Variants in SHISA9 observed in about 807,000 individuals in gnomAD.
SHISA9 encodes the protein shisa family member 9, also known as protein shisa-9.
SHISA9 carries 13 observed loss-of-function variants against 38.0 expected under a neutral mutation model. That is an observed-to-expected ratio of 0.34 (90% CI 0.22 to 0.54). SHISA9 has a LOEUF of 0.54. Among genes scored for constraint, SHISA9 ranks in the 20% least tolerant of loss-of-function variants. The pLI is 0.91. For missense variants in SHISA9, 538 were observed against 575.8 expected (o/e 0.93, Z 0.67); for synonymous variants, 275 against 242.0 (o/e 1.14, Z -1.27).
At chr16:13,019,764 T>C (rs539220483) in intron 2 of SHISA9, among the ~76,000 whole-genome samples, 2 of 77,958 alleles carry the variant, frequency 2.6e-5, no homozygotes, top group Non-Finnish European at 5.0e-5. Context: ...CTTTTCTTTC[T>C]TTTCTTTCTT....
At chr16:13,261,146 G>A in the SHISA9 span, among the ~76,000 whole-genome samples, 7 of 152,052 alleles carry the variant, frequency 4.6e-5, no homozygotes, top group South Asian at 1.2e-3. Context: ...ATTTGGGCGG[G>A]GACACAAACC....
chr16:13,421,624 C>T, the SHISA9 span, among the ~76,000 whole-genome samples: 1 of 152,186 alleles, frequency 6.6e-6, no homozygotes, highest in African/African-American at 2.4e-5. Context: ...ATATCAGTCT[C>T]TAATTAACTA....
At chr16:13,384,620 A>G in the SHISA9 span, among the ~76,000 whole-genome samples, 1 of 152,280 alleles carries the variant, frequency 6.6e-6, no homozygotes. Context: ...GGAGACAGCA[A>G]CCTTGAAGCT....
intron 2 of SHISA9, among the ~76,000 whole-genome samples, chr16:12,972,955 A>C (rs1341110944): frequency 6.6e-6 from 1 of 152,134 alleles, no homozygotes; most frequent in Non-Finnish European, 1.5e-5. Flanking sequence ...GTAGCTACTA[A>C]AAATGCAAAA....
chr16:13,139,390 CTTCT>C (rs1334476225), intron 2 of SHISA9, among the ~76,000 whole-genome samples: 78 of 104,252 alleles, frequency 7.5e-4, no homozygotes, highest in African/African-American at 2.5e-3. Flanking sequence ...CCCTCCCTTC[CTTCT>C]TTCCTTCCTT....
At chr16:13,265,729 A>G in the SHISA9 span, among the ~76,000 whole-genome samples, 3 of 152,032 alleles carry the variant, frequency 2.0e-5, no homozygotes, top group Admixed American at 1.3e-4. Flanking sequence ...AATGAAACCA[A>G]TGAGACACTT....
At chr16:12,962,742 T>C (rs552901058) in intron 2 of SHISA9, among the ~76,000 whole-genome samples, 2 of 152,336 alleles carry the variant, frequency 1.3e-5, no homozygotes, top group South Asian at 4.1e-4. Flanking sequence ...TATGGTATTG[T>C]GTTATGGTGG....
At chr16:12,997,410 GTTTT>G (rs34930368) in intron 2 of SHISA9, among the ~76,000 whole-genome samples, 3 of 134,068 alleles carry the variant, frequency 2.2e-5, no homozygotes, top group South Asian at 2.4e-4. Context: ...GCTTAACCTA[GTTTT>G]TTTTTTTTTT....
chr16:12,947,868 C>G (rs1368855759), intron 2 of SHISA9, among the ~76,000 whole-genome samples: 1 of 152,144 alleles, frequency 6.6e-6, no homozygotes, highest in Non-Finnish European at 1.5e-5. Context: ...CAAGTAGTGA[C>G]CGTTCCTTGA....
At chr16:13,006,166 C>A (rs1326769109) in intron 2 of SHISA9, among the ~76,000 whole-genome samples, 1 of 152,172 alleles carries the variant, frequency 6.6e-6, no homozygotes, top group African/African-American at 2.4e-5. Flanking sequence ...TGAGCGTTTG[C>A]ATGATTTGAA....
intron 2 of SHISA9, among the ~76,000 whole-genome samples, chr16:12,921,732 C>G (rs2071331328): frequency 6.6e-6 from 1 of 152,058 alleles, no homozygotes; most frequent in African/African-American, 2.4e-5. Flanking sequence ...CACCACTGCA[C>G]TCTAGCCTAG....
intron 2 of SHISA9, among the ~76,000 whole-genome samples, chr16:12,939,993 A>C (rs1448334573): frequency 1.3e-5 from 2 of 152,190 alleles, no homozygotes; most frequent in Admixed American, 6.5e-5. Context: ...CTGCCTTAAA[A>C]GTCATTATTA....
the SHISA9 span, among the ~76,000 whole-genome samples, chr16:13,480,565 C>T: frequency 6.6e-6 from 1 of 152,166 alleles, no homozygotes; most frequent in African/African-American, 2.4e-5. Flanking sequence ...TCCATTTTTC[C>T]TCTGCTATTC....
At chr16:13,417,280 T>A in the SHISA9 span, among the ~76,000 whole-genome samples, 1 of 152,226 alleles carries the variant, frequency 6.6e-6, no homozygotes, top group Non-Finnish European at 1.5e-5. Flanking sequence ...ATGATATGTT[T>A]TGTCACTCGA....
rs1254556237 is a variant in SHISA9 at position 13,019,929 on chromosome 16, T to C, written c.691+103114T>C. Among the ~76,000 whole-genome samples the C allele has an allele frequency of 1.8e-3, 164 of 93,532 alleles. 4 individuals are homozygous for C. The highest frequency in any genetic ancestry group is 3.2e-3 in the Non-Finnish European group (134 of 41,684). The allele number at this position is 93,532 out of a possible 152,430, so 61.4% of individuals were successfully genotyped here. ...TTTCTTTCTTTCTTTCTTTCTTTCTTTCTTTCTTTCTTTCTTTCTTTCTTT... is the reference window on the plus strand; with the variant it reads ...TTTCTTTCTTTCTTTCTTTCTTTCTCTCTTTCTTTCTTTCTTTCTTTCTTT... On this transcript the variant is annotated intron_variant, in intron 2 of 4. Coordinates refer to ENST00000558583, the MANE Select transcript of SHISA9 (RefSeq NM_001145204.3).
the SHISA9 span, among the ~76,000 whole-genome samples, chr16:13,448,630 T>C: frequency 1.3e-5 from 2 of 152,268 alleles, no homozygotes; most frequent in Non-Finnish European, 2.9e-5. Flanking sequence ...TTCTCATTGA[T>C]GGCTCCAGAT....
chr16:12,998,799 G>C (rs949406343), intron 2 of SHISA9, among the ~76,000 whole-genome samples: 1 of 152,152 alleles, frequency 6.6e-6, no homozygotes, highest in Admixed American at 6.5e-5. Context: ...AGAACTTAAT[G>C]AGTATTTATG....
intron 2 of SHISA9, among the ~76,000 whole-genome samples, chr16:13,125,271 A>G (rs2050246470): frequency 6.6e-6 from 1 of 152,222 alleles, no homozygotes; most frequent in African/African-American, 2.4e-5. Context: ...ACTCTATAGG[A>G]ATAAAACTAA....
At chr16:13,271,698 A>G in the SHISA9 span, among the ~76,000 whole-genome samples, 2 of 152,152 alleles carry the variant, frequency 1.3e-5, no homozygotes, top group African/African-American at 4.8e-5. Context: ...TAGAAACAGA[A>G]AGTAGATTAG....
Sources: allele counts gnomAD v4.1 joint callset (sites outside exome capture counted in the v4.1 genomes callset), GRCh38; gene constraint gnomAD v4.1.1; transcripts MANE v1.5; gene names NCBI Gene and HGNC (gene_info 2026-07-23, HGNC 2026-07-21).